RASAL2: variants seen among roughly 807,000 people sequenced by gnomAD.
The protein encoded by RASAL2 is ras GTPase-activating protein nGAP.
RASAL2 carries 58 observed loss-of-function variants against 128.9 expected under a neutral mutation model. That is an observed-to-expected ratio of 0.45 (90% CI 0.36 to 0.56). The LOEUF (loss-of-function observed/expected upper bound fraction) is 0.56, where lower values mean the gene tolerates loss of function less well. RASAL2 is among the 20% of genes least tolerant of loss of function. The pLI is 0.00. For missense variants in RASAL2, 1,360 were observed against 1,601.6 expected (o/e 0.85, Z 2.57); for synonymous variants, 561 against 580.8 (o/e 0.97, Z 0.49).
In RASAL2 at chr1:178,467,417, C is replaced by T. The variant is rs1219796862; in HGVS notation, c.3674C>T (p.Ala1225Val). Reference sequence around the variant, plus strand: ...GATGCAAAGCAGAAAATAATTGATGCACAGGTAAGCAGGCTTTGAATCTAA... The same window carrying T: ...GATGCAAAGCAGAAAATAATTGATGTACAGGTAAGCAGGCTTTGAATCTAA... Reference protein sequence around the residue: ...VIDAKQKIIDAQEKRIVSLDS... With the variant: ...VIDAKQKIIDVQEKRIVSLDS... The change falls in exon 17 of 18, where the codon GCA (alanine) becomes GTA (valine). Residue 1225 changes from alanine to valine, a missense_variant. Coordinates refer to ENST00000367649, the MANE Select transcript of RASAL2 (RefSeq NM_170692.4). 9 of 1,612,548 alleles carry T rather than the reference C, an allele frequency of 5.6e-6. No homozygotes were observed. Among genetic ancestry groups the T allele is most frequent in the African/African-American group, 1.3e-5 (1 of 74,882 alleles).
chr1:178,290,712 G>T (rs1435286439), intron 2 of RASAL2, among the ~76,000 whole-genome samples: 6 of 152,000 alleles, frequency 3.9e-5, no homozygotes, highest in Non-Finnish European at 7.4e-5. Flanking sequence ...GTCTTGCTAT[G>T]TCACCCAGGC....
At chr1:178,287,672 A>C (rs1667095357) in intron 2 of RASAL2, among the ~76,000 whole-genome samples, 1 of 152,206 alleles carries the variant, frequency 6.6e-6, no homozygotes, top group South Asian at 2.1e-4. Flanking sequence ...CATAAAAAGG[A>C]ATGAAATAAT....
intron 3 of RASAL2, among the ~76,000 whole-genome samples, chr1:178,364,111 G>T (rs1571932352): frequency 6.8e-6 from 1 of 146,810 alleles, no homozygotes; most frequent in Non-Finnish European, 1.5e-5. Flanking sequence ...AAAAAAAAAA[G>T]AAGAAACTAT....
At chr1:178,250,425 C>T (rs891012400) in intron 1 of RASAL2, among the ~76,000 whole-genome samples, 1 of 152,240 alleles carries the variant, frequency 6.6e-6, no homozygotes, top group African/African-American at 2.4e-5. Context: ...GCCCCAACCC[C>T]ACCAAGCTTG....
chr1:178,163,430 G>T (rs901375372), intron 1 of RASAL2, among the ~76,000 whole-genome samples: 1 of 152,074 alleles, frequency 6.6e-6, no homozygotes, highest in African/African-American at 2.4e-5. Flanking sequence ...GAGTTTTCTA[G>T]TTTTAGCATA....
chr1:178,219,170 C>T (rs1295571308), intron 1 of RASAL2, among the ~76,000 whole-genome samples: 1 of 152,200 alleles, frequency 6.6e-6, no homozygotes, highest in Non-Finnish European at 1.5e-5. Flanking sequence ...AACTTTTCTT[C>T]TGTAGCTTCT....
chr1:178,233,296 G>A (rs1418354278), intron 1 of RASAL2, among the ~76,000 whole-genome samples: 1 of 152,212 alleles, frequency 6.6e-6, no homozygotes, highest in Non-Finnish European at 1.5e-5. Flanking sequence ...GGGAAGATGA[G>A]CATCTTTAAG....
chr1:178,109,923 C>T (rs1659232400), intron 1 of RASAL2, among the ~76,000 whole-genome samples: 1 of 152,028 alleles, frequency 6.6e-6, no homozygotes, highest in Non-Finnish European at 1.5e-5. Context: ...GAGGCTGAAG[C>T]AGGAGGATTG....
intron 2 of RASAL2, among the ~76,000 whole-genome samples, chr1:178,289,553 G>A (rs965676275): frequency 1.3e-5 from 2 of 152,044 alleles, no homozygotes; most frequent in African/African-American, 4.8e-5. Flanking sequence ...GGGCTCAAGT[G>A]ATCCTTCCAC....
In RASAL2 at chr1:178,172,082, C is replaced by T. The variant is rs146580426; in HGVS notation, c.202+77388C>T. Among the ~76,000 whole-genome samples the T allele has an allele frequency of 7.3e-3, 1,103 of 151,950 alleles. 12 individuals carry two copies. The highest frequency in any genetic ancestry group is 0.025 in the African/African-American group (1,043 of 41,472). ...GCCAGGACAAGGCCTAAGTTTGAAA[C>T]TGTTATTGACTGTTACCTGTTTGGA... On this transcript the variant is annotated intron_variant, in intron 1 of 17. Transcript: ENST00000367649.
At chr1:178,312,875 A>G (rs1668325899) in intron 3 of RASAL2, among the ~76,000 whole-genome samples, 1 of 152,252 alleles carries the variant, frequency 6.6e-6, no homozygotes, top group Non-Finnish European at 1.5e-5. Flanking sequence ...GAACACTTCT[A>G]TAGCACTTTT....
chr1:178,280,871 A>G (rs1445302597), intron 1 of RASAL2, among the ~76,000 whole-genome samples: 1 of 152,082 alleles, frequency 6.6e-6, no homozygotes, highest in African/African-American at 2.4e-5. Context: ...TAGAGCAAAA[A>G]ATAAGATAGG....
intron 1 of RASAL2, among the ~76,000 whole-genome samples, chr1:178,255,033 GA>G (rs1665258373): frequency 6.6e-6 from 1 of 151,776 alleles, no homozygotes; most frequent in Admixed American, 6.6e-5. Context: ...AAGTACTCCG[GA>G]AAAAATCCAA....
intron 1 of RASAL2, among the ~76,000 whole-genome samples, chr1:178,240,575 A>C (rs887328605): frequency 1.3e-5 from 2 of 152,014 alleles, no homozygotes; most frequent in Non-Finnish European, 2.9e-5. Context: ...TATTTAAAGC[A>C]AGTGTCAAAT....
intron 1 of RASAL2, among the ~76,000 whole-genome samples, chr1:178,253,567 G>A (rs964518655): frequency 4.6e-5 from 7 of 152,108 alleles, no homozygotes; most frequent in African/African-American, 7.2e-5. Context: ...GGGTGCAGGC[G>A]GGTGAGTCCG....
chr1:178,355,268 G>A (rs1328071197), intron 3 of RASAL2, among the ~76,000 whole-genome samples: 1 of 152,146 alleles, frequency 6.6e-6, no homozygotes, highest in Non-Finnish European at 1.5e-5. Flanking sequence ...GAGACAAAGT[G>A]GTATTAGTGT....
chr1:178,227,287 G>C (rs1053944067), intron 1 of RASAL2, among the ~76,000 whole-genome samples: 1 of 151,760 alleles, frequency 6.6e-6, no homozygotes, highest in African/African-American at 2.4e-5. Flanking sequence ...CTTACATGTC[G>C]TTGTCTAAGT....
intron 3 of RASAL2, among the ~76,000 whole-genome samples, chr1:178,383,489 C>T (rs1444373385): frequency 6.6e-6 from 1 of 152,174 alleles, no homozygotes; most frequent in Non-Finnish European, 1.5e-5. Flanking sequence ...TTGCTCTTGT[C>T]ACTTTTTCTT....
intron 3 of RASAL2, among the ~76,000 whole-genome samples, chr1:178,333,926 ACCCTTGT>A (rs1246153567): frequency 6.6e-6 from 1 of 152,204 alleles, no homozygotes; most frequent in Non-Finnish European, 1.5e-5. Flanking sequence ...AAATATGTTA[ACCCTTGT>A]GGTAGACAGA....
Sources: allele counts gnomAD v4.1 joint callset (sites outside exome capture counted in the v4.1 genomes callset), GRCh38; gene constraint gnomAD v4.1.1; transcripts MANE v1.5; gene names NCBI Gene and HGNC (gene_info 2026-07-23, HGNC 2026-07-21).